The following STXBP6 variants were observed in gnomAD, a reference collection of about 807,000 sequenced individuals.
The protein encoded by STXBP6 is syntaxin binding protein 6, also known as syntaxin-binding protein 6.
In STXBP6, 21 loss-of-function variants were observed where a neutral mutation model predicts 26.9. The observed-to-expected ratio is 0.78, with a 90% CI of 0.55 to 1.12. The LOEUF (loss-of-function observed/expected upper bound fraction) is 1.12. Ranked by LOEUF, STXBP6 falls within the 50% of genes most tolerant of loss-of-function variation. The probability of loss-of-function intolerance (pLI) is 0.00; values close to 1 mark genes in which losing one functional copy is unlikely to be tolerated. For missense variants in STXBP6, 232 were observed against 257.9 expected (o/e 0.90, Z 0.69); for synonymous variants, 97 against 92.6 (o/e 1.05, Z -0.27).
chr14:24,946,380 A>C (rs1198293918), intron 2 of STXBP6, among the ~76,000 whole-genome samples: 2 of 152,128 alleles, frequency 1.3e-5, no homozygotes, highest in African/African-American at 4.8e-5. Context: ...CAAATTTAAG[A>C]ATTAAGGTAC....
chr14:25,015,552 G>A (rs552712402), intron 1 of STXBP6, among the ~76,000 whole-genome samples: 7 of 152,126 alleles, frequency 4.6e-5, no homozygotes, highest in South Asian at 4.2e-4. Context: ...AAATCCTTTT[G>A]ATAAAGATTC....
intron 2 of STXBP6, among the ~76,000 whole-genome samples, chr14:24,881,873 C>T (rs1387736218): frequency 1.3e-5 from 2 of 152,184 alleles, no homozygotes; most frequent in African/African-American, 4.8e-5. Context: ...GATGGATTTA[C>T]GAATATCTCT....
At chr14:24,977,167 C>T (rs933131218) in intron 1 of STXBP6, among the ~76,000 whole-genome samples, 18 of 151,944 alleles carry the variant, frequency 1.2e-4, no homozygotes, top group Admixed American at 9.2e-4. Flanking sequence ...CCCTGTCTCA[C>T]CCGGTGTTCT....
At chr14:24,978,369 G>C (rs1004913339) in intron 1 of STXBP6, among the ~76,000 whole-genome samples, 2 of 152,140 alleles carry the variant, frequency 1.3e-5, no homozygotes, top group African/African-American at 4.8e-5. Flanking sequence ...TGTAGTGATG[G>C]GAATGGAAAG....
At chr14:24,855,552 G>A (rs1258631389) in intron 4 of STXBP6, among the ~76,000 whole-genome samples, 3 of 151,976 alleles carry the variant, frequency 2.0e-5, no homozygotes, top group African/African-American at 4.8e-5. Flanking sequence ...AAAACATCTT[G>A]AGAAAAAATA....
At chr14:24,880,963 C>T (rs994502469) in intron 2 of STXBP6, among the ~76,000 whole-genome samples, 1 of 152,130 alleles carries the variant, frequency 6.6e-6, no homozygotes, top group Non-Finnish European at 1.5e-5. Context: ...TTTGAAAATC[C>T]AAAAACCAAG....
At chr14:25,020,534 C>G (rs2075242736) in intron 1 of STXBP6, among the ~76,000 whole-genome samples, 1 of 152,146 alleles carries the variant, frequency 6.6e-6, no homozygotes, top group African/African-American at 2.4e-5. Context: ...CCTCAATACC[C>G]AACCCTATCG....
At chr14:24,841,308 C>G (rs575626696) in intron 4 of STXBP6, among the ~76,000 whole-genome samples, 3 of 152,182 alleles carry the variant, frequency 2.0e-5, no homozygotes, top group African/African-American at 7.2e-5. Context: ...TTGCTGGGAA[C>G]AAGCCATCAG....
chr14:24,931,273 T>C (rs1030015478), intron 2 of STXBP6, among the ~76,000 whole-genome samples: 1 of 148,654 alleles, frequency 6.7e-6, no homozygotes, highest in African/African-American at 2.5e-5. Flanking sequence ...CATTAGGAGA[T>C]ATACCTAATG....
chr14:25,011,506 C>T (rs568239017), intron 1 of STXBP6, among the ~76,000 whole-genome samples: 2 of 152,020 alleles, frequency 1.3e-5, no homozygotes, highest in Non-Finnish European at 2.9e-5. Flanking sequence ...GTTCATTAGC[C>T]AAGAGAAGCT....
At chr14:24,873,622 T>A (rs1404641237) in intron 2 of STXBP6, among the ~76,000 whole-genome samples, 1 of 152,180 alleles carries the variant, frequency 6.6e-6, no homozygotes, top group Non-Finnish European at 1.5e-5. Context: ...CATTGTGGTG[T>A]CCCCATAGAA....
rs771335882 is a variant in STXBP6 at position 24,812,759 on chromosome 14, T to C, written c.610-27A>G. On this transcript the variant is annotated intron_variant, in intron 5 of 5. Transcript: ENST00000323944. ...TAAGGAGAGAGAGGAATGAGAAAAG[T>C]AAGACTTTATTAGCAGGTATTAGCA... 5 of 1,612,730 alleles carry C rather than the reference T, an allele frequency of 3.1e-6. No homozygotes were observed. In the South Asian group the frequency reaches 5.5e-5, roughly 18 times the overall value.
intron 2 of STXBP6, among the ~76,000 whole-genome samples, chr14:24,895,802 G>A (rs564133764): frequency 2.6e-5 from 4 of 152,248 alleles, no homozygotes; most frequent in South Asian, 2.1e-4. Context: ...GTGTTATCAC[G>A]AACACGCTGC....
intron 5 of STXBP6, chr14:24,816,220 C>T (rs905969065): frequency 1.3e-5 from 2 of 152,180 alleles, no homozygotes; most frequent in African/African-American, 2.4e-5. Context: ...ACAGCTTACT[C>T]CTTCTGAGTC....
chr14:24,948,095 T>G (rs769607055), intron 2 of STXBP6, among the ~76,000 whole-genome samples: 7 of 152,146 alleles, frequency 4.6e-5, no homozygotes, highest in Non-Finnish European at 1.0e-4. Flanking sequence ...TCCATGAAGA[T>G]GGGAGTGAGA....
intron 5 of STXBP6, among the ~76,000 whole-genome samples, chr14:24,813,701 C>T (rs1484249737): frequency 6.6e-6 from 1 of 152,216 alleles, no homozygotes; most frequent in African/African-American, 2.4e-5. Flanking sequence ...CCTGACCAGG[C>T]TCTCTGCCTT....
intron 2 of STXBP6, among the ~76,000 whole-genome samples, chr14:24,905,527 GGGAATCTATA>G (rs1397681646): frequency 6.6e-6 from 1 of 152,122 alleles, no homozygotes; most frequent in East Asian, 1.9e-4. Flanking sequence ...AGAAAACCTT[GGGAATCTATA>G]GGAAGCCTGC....
At chr14:24,818,022 T>C (rs1594898429) in intron 5 of STXBP6, 1 of 456,606 alleles carries the variant, frequency 2.2e-6, no homozygotes, top group Non-Finnish European at 4.4e-6. Context: ...AATATTCTTC[T>C]CATTGCTTTT....
intron 4 of STXBP6, among the ~76,000 whole-genome samples, chr14:24,834,716 G>A (rs1056063603): frequency 1.8e-4 from 28 of 152,126 alleles, no homozygotes; most frequent in African/African-American, 6.3e-4. Context: ...AGGATGGCCC[G>A]AACTACGAGA....
Sources: allele counts gnomAD v4.1 joint callset (sites outside exome capture counted in the v4.1 genomes callset), GRCh38; gene constraint gnomAD v4.1.1; transcripts MANE v1.5; gene names NCBI Gene and HGNC (gene_info 2026-07-23, HGNC 2026-07-21).